Variants in NFKB2 observed in about 807,000 individuals in gnomAD.
The protein encoded by NFKB2 is nuclear factor kappa B subunit 2.
NFKB2 carries 21 observed loss-of-function variants against 109.3 expected under a neutral mutation model. The ratio of observed to expected loss-of-function variants is 0.19; its 90% CI spans 0.14 to 0.28. The LOEUF (loss-of-function observed/expected upper bound fraction) is 0.28. Ranked by LOEUF, NFKB2 falls within the 10% of genes least tolerant of loss-of-function variation. The pLI, the probability that NFKB2 is intolerant of heterozygous loss-of-function variation, is 1.00. For synonymous variants in NFKB2, 478 were observed against 489.9 expected (o/e 0.98, Z 0.32); for missense variants, 806 against 1,185.3 (o/e 0.68, Z 4.70).
rs1428041403 is a variant in NFKB2, at chr10:102,399,645, G to A, written c.1396G>A (p.Val466Ile). Residue 466 changes from valine to isoleucine, a missense_variant, in exon 14 of 23, where the codon GTC (valine) becomes ATC (isoleucine). Physicochemically the swap from Val to Ile is conservative, Grantham distance 29. Transcript: ENST00000661543. ...CGCCCGAGCCCTACTCGACTACGGC[G>A]TCACCGCGGACGCGCGCGCGCTGCT... Reference protein sequence around the residue: ...RSARALLDYGVTADARALLAG... With the variant: ...RSARALLDYGITADARALLAG... The A allele has an allele frequency of 1.3e-6, 2 of 1,538,436 alleles. No homozygotes were observed. The highest frequency in any genetic ancestry group is 1.8e-6 in the Non-Finnish European group (2 of 1,141,522).
Position 102,397,211 on chromosome 10 carries a change from GAAGT to G in NFKB2, c.396-87_396-84del. 1 of 1,539,204 alleles carries G rather than the reference GAAGT, an allele frequency of 6.5e-7. No individual in the cohort carries two copies. The highest frequency in any genetic ancestry group is 8.9e-7 in the Non-Finnish European group (1 of 1,122,712). On this transcript the variant is annotated intron_variant, in intron 6 of 22. Transcript: ENST00000661543. The surrounding 1 kb of genome is among the most constrained non-coding windows in gnomAD (Gnocchi z 4.7). Reference sequence around the variant, plus strand: ...TAGAAACTCCAATGGCTTCCTTGAGGAAGTAAGGCTGAGCTGAGCCCTGGCAATG... The same window carrying G: ...TAGAAACTCCAATGGCTTCCTTGAGGAAGGCTGAGCTGAGCCCTGGCAATG...
Position 102,400,567 on chromosome 10 carries a change from C to T in NFKB2, c.1798+76C>T. 1 of 1,595,094 alleles carries T rather than the reference C, an allele frequency of 6.3e-7. No individual in the cohort carries two copies. Among genetic ancestry groups the T allele is most frequent in the Admixed American group, 1.7e-5 (1 of 57,606 alleles). On this transcript the variant is annotated intron_variant, in intron 16 of 22. Coordinates refer to ENST00000661543, the MANE Select transcript of NFKB2 (RefSeq NM_001322934.2). This position sits in a 1 kb window ranked among gnomAD's most constrained non-coding sequence, Gnocchi z 6.3. ...GTATCTGGCCAGTGCCCAGAATGGA[C>T]TATGAGGTGTCGAGATTGAATGGTC...
chr10:102,399,610 C>T lies in NFKB2; in HGVS notation c.1361C>T (p.Ala454Val), dbSNP rs1347367905. 6.5e-7 allele frequency: 1 copy of T among 1,547,308 alleles called. No homozygotes were observed. Among genetic ancestry groups the T allele is most frequent in the Admixed American group, 2.0e-5 (1 of 50,882 alleles). Residue 454 changes from alanine (A) to valine (V), a missense_variant, in exon 14 of 23, where the codon GCG (alanine) becomes GTG (valine). Physicochemically the swap from Ala to Val is moderately conservative, Grantham distance 64 (BLOSUM62 0). Transcript: ENST00000661543. ...TACAACGCGCGCCTGTTCGGCCTGGCGCAGCGCAGCGCCCGAGCCCTACTC... is the reference window on the plus strand; with the variant it reads ...TACAACGCGCGCCTGTTCGGCCTGGTGCAGCGCAGCGCCCGAGCCCTACTC... ...REYNARLFGL[A>V]QRSARALLDY... is the part of the protein sequence containing the mutation.
intron 14 of NFKB2, 111 bp downstream of exon 14, chr10:102,399,829 G>C (rs1297909624): frequency 1.4e-6 from 2 of 1,397,974 alleles, no homozygotes; most frequent in Non-Finnish European, 9.4e-7. Flanking sequence ...GTCCGGCCTC[G>C]GTGTTCACAA....
intron 14 of NFKB2, 148 bp downstream of exon 14, chr10:102,399,866 C>A: frequency 2.3e-6 from 3 of 1,282,248 alleles, no homozygotes; most frequent in African/African-American, 1.5e-5. Context: ...TTGGTCTCTC[C>A]AAACTTCAGT....
rs200692345 is a variant in NFKB2 at position 102,396,361 on chromosome 10, G to C, written c.103+27G>C. The C allele has an allele frequency of 6.8e-6, 11 of 1,613,388 alleles. No individual in the cohort carries two copies. The African/African-American group carries it at 1.3e-4, about 20-fold the overall frequency. ...TCAGCAAGTTCACTAACCTCCCCTAGTCCTAAAGCGGGGGAGGGAGAGCAT... is the reference window on the plus strand; with the variant it reads ...TCAGCAAGTTCACTAACCTCCCCTACTCCTAAAGCGGGGGAGGGAGAGCAT... On this transcript the variant is annotated intron_variant, in intron 3 of 22. Transcript: ENST00000661543. This position sits in a 1 kb window ranked among gnomAD's most constrained non-coding sequence, Gnocchi z 5.9.
chr10:102,396,143 C>T lies in NFKB2; in HGVS notation c.22-110C>T, dbSNP rs1206127828. 6.8e-7 allele frequency: 1 copy of T among 1,460,168 alleles called. No homozygotes were observed. The highest frequency in any genetic ancestry group is 1.8e-5 in the Admixed American group (1 of 57,130). 90.5% of individuals were successfully genotyped at this position (1,460,168 alleles called of 1,614,324 possible). A position where few individuals can be genotyped will look rare whatever the true frequency, so the allele number is the denominator to read the frequency against. On this transcript the variant is annotated intron_variant, in intron 2 of 22. Transcript: ENST00000661543. This position sits in a 1 kb window ranked among gnomAD's most constrained non-coding sequence, Gnocchi z 5.9. ...ACTCTGCCTCCAAAAGGAGCTTTCT[C>T]TTGGGTCTGAGGAGGAGGGGGGAGT...
Position 102,401,251 on chromosome 10 carries a change from T to C in NFKB2, c.2143T>C (p.Ser715Pro), listed in dbSNP as rs1329878230. The change falls in exon 19 of 23, where the codon TCG (serine) becomes CCG (proline). Residue 715 changes from serine (S) to proline (P), a missense_variant. Around this residue, in one of 10 missense-constraint regions of NFKB2, gnomAD observed 211 missense variants for 268.7 expected, o/e 0.79. Coordinates refer to ENST00000661543, the MANE Select transcript of NFKB2 (RefSeq NM_001322934.2). This position sits in a 1 kb window ranked among gnomAD's most constrained non-coding sequence, Gnocchi z 4.2. ...LPSPPTSDSD[S>P]DSEGPEKDTR... ...TTCACCCCCTACCTCTGATAGCGAC[T>C]CGGACTCTGAAGGGCCTGAGAAGGA... 6.2e-7 allele frequency: 1 copy of C among 1,612,046 alleles called. No individual in the cohort carries two copies.
At chr10:102,399,002 C>T in intron 12 of NFKB2, 138 bp downstream of exon 12, 1 of 990,636 alleles carries the variant, frequency 1.0e-6, no homozygotes, top group Non-Finnish European at 1.5e-6. Context: ...TACCTGAGAT[C>T]AGGAGTTCAA....
chr10:102,396,827 A>G lies in NFKB2; in HGVS notation c.243+4A>G. 6.2e-7 allele frequency: 1 copy of G among 1,610,440 alleles called. No homozygotes were observed. Among genetic ancestry groups the G allele is most frequent in the Non-Finnish European group, 8.5e-7 (1 of 1,176,866 alleles). ...AAAGACCTATCCCACTGTCAAGGTGAGCCAGGATGGTGCTGGAGGGTGGGC... is the reference window on the plus strand; with the variant it reads ...AAAGACCTATCCCACTGTCAAGGTGGGCCAGGATGGTGCTGGAGGGTGGGC... On this transcript the variant is annotated splice_donor_region_variant and intron_variant, in intron 5 of 22. Coordinates refer to ENST00000661543, the MANE Select transcript of NFKB2 (RefSeq NM_001322934.2). The surrounding 1 kb of genome is among the most constrained non-coding windows in gnomAD (Gnocchi z 5.9).
chr10:102,396,094 T>G lies in NFKB2; in HGVS notation c.21+114T>G. On this transcript the variant is annotated intron_variant, in intron 2 of 22. Coordinates refer to ENST00000661543, the MANE Select transcript of NFKB2 (RefSeq NM_001322934.2). The surrounding 1 kb of genome is among the most constrained non-coding windows in gnomAD (Gnocchi z 5.9). ...TGTATGCTCGCAGATGCTCTCAGCCTGCCAGTCTGTCCATCTGTCTGCAAC... is the reference window on the plus strand; with the variant it reads ...TGTATGCTCGCAGATGCTCTCAGCCGGCCAGTCTGTCCATCTGTCTGCAAC... 6.6e-7 allele frequency: 1 copy of G among 1,504,252 alleles called. No individual in the cohort carries two copies. The highest frequency in any genetic ancestry group is 9.2e-7 in the Non-Finnish European group (1 of 1,086,690). The allele number at this position is 1,504,252 out of a possible 1,614,324, so 93.2% of individuals were successfully genotyped here.
In NFKB2 at chr10:102,400,025, G is replaced by C. The variant is rs1309667480; in HGVS notation, c.1470-55G>C. On this transcript the variant is annotated intron_variant, in intron 14 of 22. Transcript: ENST00000661543. This position sits in a 1 kb window ranked among gnomAD's most constrained non-coding sequence, Gnocchi z 6.3. Reference sequence around the variant, plus strand: ...GAGACTATGAGGGCGGTGGGGCCTTGAAAGCGAAGGATGCTCTGAGTGGCT... The same window carrying C: ...GAGACTATGAGGGCGGTGGGGCCTTCAAAGCGAAGGATGCTCTGAGTGGCT... The C allele has an allele frequency of 1.3e-6, 2 of 1,569,466 alleles. No individual in the cohort carries two copies. The highest frequency in any genetic ancestry group is 1.8e-6 in the Non-Finnish European group (2 of 1,142,676).
At chr10:102,399,852 C>A in intron 14 of NFKB2, 134 bp downstream of exon 14, 2 of 1,335,192 alleles carry the variant, frequency 1.5e-6, no homozygotes, top group Non-Finnish European at 2.0e-6. Context: ...TCTGTTCAAG[C>A]TGCTTGGTCT....
chr10:102,399,074 A>G (rs2061168802), intron 12 of NFKB2: 1 of 715,460 alleles, frequency 1.4e-6, no homozygotes. Flanking sequence ...TTAGCTGGGC[A>G]TGGTGGCAGG....
At position 102,399,371 on chromosome 10, in the gene NFKB2, G is replaced by C. The variant is rs1397973787; in HGVS notation, c.1201G>C (p.Gly401Arg). 6.5e-7 allele frequency: 1 copy of C among 1,548,376 alleles called. No individual in the cohort carries two copies. The highest frequency in any genetic ancestry group is 8.7e-7 in the Non-Finnish European group (1 of 1,147,964). The stretch of plus-strand genomic sequence containing the variant: ...GGGCCCCATGGGCTGCTACCCGGGA[G>C]GCGGGGGCGGGGCGCAGATGGCCGC... ...GAGPMGCYPG[G>R]GGGAQMAATV... Residue 401 changes from glycine to arginine, a missense_variant, in exon 13 of 23, where the codon GGC (glycine) becomes CGC (arginine). This residue lies in a region of NFKB2 where 209 missense variants were observed against 211.9 expected (regional missense o/e 0.99). Coordinates refer to ENST00000661543, the MANE Select transcript of NFKB2 (RefSeq NM_001322934.2).
chr10:102,397,824 C>A lies in NFKB2; in HGVS notation c.661+139C>A. ...ATGAGCTGAGTGATCCTGAGCAAGT[C>A]ATTTCCCCCCCGAAGCTTCTGTCTT... On this transcript the variant is annotated intron_variant, in intron 8 of 22. Transcript: ENST00000661543. The surrounding 1 kb of genome is among the most constrained non-coding windows in gnomAD (Gnocchi z 4.7). The A allele has an allele frequency of 7.8e-7, 1 of 1,279,242 alleles. No individual in the cohort carries two copies. The highest frequency in any genetic ancestry group is 1.4e-5 in the South Asian group (1 of 73,242). 79.2% of individuals were successfully genotyped at this position (1,279,242 alleles called of 1,614,324 possible). A position where few individuals can be genotyped will look rare whatever the true frequency, so the allele number is the denominator to read the frequency against.
At chr10:102,394,935 A>G (rs906542424), upstream of NFKB2, among the ~76,000 whole-genome samples, 1 of 152,366 alleles carries the variant, frequency 6.6e-6, no homozygotes, top group Middle Eastern at 3.4e-3. Context: ...CCGTACATCA[A>G]GACAGGCGCT....
chr10:102,399,865 C>A, intron 14 of NFKB2, 147 bp downstream of exon 14: 2 of 1,294,212 alleles, frequency 1.5e-6, no homozygotes, highest in Non-Finnish European at 2.1e-6. Flanking sequence ...CTTGGTCTCT[C>A]CAAACTTCAG....
In NFKB2 at chr10:102,402,109, G is replaced by T. The variant is rs1028540366; in HGVS notation, c.2528G>T (p.Gly843Val). The T allele has an allele frequency of 1.3e-6, 2 of 1,580,182 alleles. No individual in the cohort carries two copies. The highest frequency in any genetic ancestry group is 2.3e-5 in the South Asian group (2 of 86,396). ...EALSDMGLEEGVRLLRGPETR... is the reference protein window; with the variant it reads ...EALSDMGLEEVVRLLRGPETR... ...CTGTCTGACATGGGCCTAGAGGAGG[G>T]AGTGAGGCTGCTGAGGGGTCCAGAA... is the stretch of plus-strand genomic sequence containing the variant. The change falls in exon 22 of 23, where the codon GGA becomes GTA. Residue 843 changes from glycine to valine, a missense_variant. By Grantham distance (109) the Gly-to-Val change is moderately radical (BLOSUM62 -3). Coordinates refer to ENST00000661543, the MANE Select transcript of NFKB2 (RefSeq NM_001322934.2).
Sources: allele counts gnomAD v4.1 joint callset (sites outside exome capture counted in the v4.1 genomes callset), GRCh38; gene constraint gnomAD v4.1.1; regional missense constraint gnomAD v4.1.1; non-coding constraint Gnocchi (gnomAD v3.1); transcripts MANE v1.5; gene names NCBI Gene and HGNC (gene_info 2026-07-23, HGNC 2026-07-21).